RAB11FIP4: variants seen among roughly 807,000 people sequenced by gnomAD.
The protein encoded by RAB11FIP4 is RAB11 family interacting protein 4, also known as rab11 family-interacting protein 4.
In RAB11FIP4, 23 loss-of-function variants were observed where a neutral mutation model predicts 74.3. The ratio of observed to expected loss-of-function variants is 0.31; its 90% CI spans 0.22 to 0.44. RAB11FIP4 has a LOEUF of 0.44. RAB11FIP4 is among the 20% of genes least tolerant of loss of function. RAB11FIP4 has a pLI of 1.00. For synonymous variants in RAB11FIP4, 360 were observed against 359.9 expected, an observed-to-expected ratio of 1.00 and a Z score of 0.00; for missense variants, 630 against 863.9, an observed-to-expected ratio of 0.73 and a Z score of 3.39.
chr17:31,466,778 C>G (rs2071689949), intron 3 of RAB11FIP4, among the ~76,000 whole-genome samples: 1 of 152,186 alleles, frequency 6.6e-6, no homozygotes, highest in Admixed American at 6.5e-5. Flanking sequence ...CTATGGAAAC[C>G]AGGTGGCCAT....
chr17:31,393,424 C>G (rs538836746), intron 1 of RAB11FIP4, among the ~76,000 whole-genome samples: 24 of 152,338 alleles, frequency 1.6e-4, no homozygotes, highest in African/African-American at 5.5e-4. Context: ...AAGCTACCAG[C>G]TCTGGCTGAA....
chr17:31,463,279 C>G (rs1833483795), intron 3 of RAB11FIP4, among the ~76,000 whole-genome samples: 1 of 152,156 alleles, frequency 6.6e-6, no homozygotes, highest in African/African-American at 2.4e-5. Context: ...CCTTTAGCCT[C>G]TCTGAGCCTC....
intron 3 of RAB11FIP4, among the ~76,000 whole-genome samples, chr17:31,457,695 A>G (rs2071592036): frequency 6.8e-6 from 1 of 147,324 alleles, no homozygotes; most frequent in Non-Finnish European, 1.5e-5. Context: ...CACCACCCTC[A>G]CCCCCAGCCC....
intron 1 of RAB11FIP4, among the ~76,000 whole-genome samples, chr17:31,401,645 A>T (rs898979758): frequency 6.6e-6 from 1 of 152,202 alleles, no homozygotes; most frequent in African/African-American, 2.4e-5. Flanking sequence ...GCTTCCTCCA[A>T]AGTGTTTGCT....
intron 3 of RAB11FIP4, among the ~76,000 whole-genome samples, chr17:31,445,533 TA>T (rs2071444007): frequency 2.5e-4 from 3 of 11,896 alleles, no homozygotes; most frequent in Non-Finnish European, 4.2e-4. Context: ...TTCCCAATTT[TA>T]TATATATATA....
intron 3 of RAB11FIP4, among the ~76,000 whole-genome samples, chr17:31,446,477 G>A (rs2071465366): frequency 6.6e-6 from 1 of 152,114 alleles, no homozygotes; most frequent in Non-Finnish European, 1.5e-5. Context: ...ACGTCTGTGC[G>A]ATGGGTAACG....
chr17:31,484,366 G>A lies in RAB11FIP4; in HGVS notation c.337-33285G>A, dbSNP rs929747155. ...GATTACAGGAGTGAGCCACTGCGCCGGGCCTGACATTGTCTCTTTAAAAAA... is the reference window on the plus strand; with the variant it reads ...GATTACAGGAGTGAGCCACTGCGCCAGGCCTGACATTGTCTCTTTAAAAAA... On this transcript the variant is annotated intron_variant, in intron 3 of 14. Coordinates refer to ENST00000621161, the MANE Select transcript of RAB11FIP4 (RefSeq NM_032932.6). Among the ~76,000 whole-genome samples, 5 of 151,386 alleles carry A rather than the reference G, an allele frequency of 3.3e-5. 1 individual carries two copies. The highest frequency in any genetic ancestry group is 4.4e-5 in the Non-Finnish European group (3 of 67,872).
chr17:31,482,789 G>A (rs966878057), intron 3 of RAB11FIP4, among the ~76,000 whole-genome samples: 12 of 152,096 alleles, frequency 7.9e-5, no homozygotes, highest in East Asian at 5.8e-4. Context: ...CTTCCTGAGC[G>A]TGGAGTCAAT....
At chr17:31,525,419 C>T (rs1299117676) in intron 10 of RAB11FIP4, 189 bp downstream of exon 10, 11 of 624,098 alleles carry the variant, frequency 1.8e-5, no homozygotes, top group South Asian at 6.1e-5. Flanking sequence ...TCAGGAAGTT[C>T]GCTAAGGAAT....
chr17:31,411,916 C>T (rs1375142559), intron 1 of RAB11FIP4, among the ~76,000 whole-genome samples: 1 of 152,260 alleles, frequency 6.6e-6, no homozygotes, highest in African/African-American at 2.4e-5. Context: ...CATAGACAGC[C>T]CCTCTGGCCA....
At chr17:31,402,557 A>G (rs1450354990) in intron 1 of RAB11FIP4, among the ~76,000 whole-genome samples, 1 of 151,894 alleles carries the variant, frequency 6.6e-6, no homozygotes, top group Non-Finnish European at 1.5e-5. Context: ...AAGAGCTGGG[A>G]CCTTGCTGAA....
In RAB11FIP4 at chr17:31,391,807, G is replaced by T; in HGVS notation, c.-46G>T. The T allele has an allele frequency of 1.0e-6, 1 of 980,172 alleles. No individual in the cohort carries two copies. Among genetic ancestry groups the T allele is most frequent in the South Asian group, 4.5e-5 (1 of 22,074 alleles). 60.7% of individuals were successfully genotyped at this position (980,172 alleles called of 1,614,324 possible). A position where few individuals can be genotyped will look rare whatever the true frequency, so the allele number is the denominator to read the frequency against. Reference sequence around the variant, plus strand: ...GCGATGGCGGCGGCGGGCAGGCGGCGGGCGCGGCGGGCGAGGGGTCCGGGC... The same window carrying T: ...GCGATGGCGGCGGCGGGCAGGCGGCTGGCGCGGCGGGCGAGGGGTCCGGGC... On this transcript the variant is annotated 5_prime_UTR_variant, in exon 1 of 15. Coordinates refer to ENST00000621161, the MANE Select transcript of RAB11FIP4 (RefSeq NM_032932.6).
chr17:31,474,564 G>A (rs866375721), intron 3 of RAB11FIP4, among the ~76,000 whole-genome samples: 1 of 151,918 alleles, frequency 6.6e-6, no homozygotes. Flanking sequence ...CCAGCTACTC[G>A]GGGCTGAGGC....
chr17:31,525,005 C>T (rs1359930173), intron 9 of RAB11FIP4, 85 bp from the exon 10 acceptor site: 16 of 1,518,984 alleles, frequency 1.1e-5, no homozygotes, highest in South Asian at 3.6e-5. Flanking sequence ...CTCAGGGTCT[C>T]GGGGCCCAGG....
intron 1 of RAB11FIP4, among the ~76,000 whole-genome samples, chr17:31,427,221 G>A (rs1393124255): frequency 1.3e-5 from 2 of 152,124 alleles, no homozygotes; most frequent in African/African-American, 2.4e-5. Context: ...TCAGCCTCCC[G>A]AAGTGCTGGG....
chr17:31,504,484 T>G (rs1335028389), intron 3 of RAB11FIP4, among the ~76,000 whole-genome samples: 1 of 152,098 alleles, frequency 6.6e-6, no homozygotes, highest in Non-Finnish European at 1.5e-5. Flanking sequence ...GCCAGGATGG[T>G]CTTGAACTCC....
chr17:31,513,963 C>G (rs1234627300), intron 3 of RAB11FIP4, among the ~76,000 whole-genome samples: 1 of 152,222 alleles, frequency 6.6e-6, no homozygotes, highest in Non-Finnish European at 1.5e-5. Flanking sequence ...TCTGCCCTGT[C>G]TACCCCAGGC....
In RAB11FIP4 at chr17:31,522,059, AG is replaced by A; in HGVS notation, c.893+12del. 6.2e-7 allele frequency: 1 copy of A among 1,613,946 alleles called. No individual in the cohort carries two copies. The highest frequency in any genetic ancestry group is 8.5e-7 in the Non-Finnish European group (1 of 1,180,018). Reference sequence around the variant, plus strand: ...ACCTGAAGGCCAACAGGTGAGGCCCAGGCCCAGCTGGGGGGTGAGAGGCCGG... The same window carrying A: ...ACCTGAAGGCCAACAGGTGAGGCCCAGCCCAGCTGGGGGGTGAGAGGCCGG... On this transcript the variant is annotated intron_variant, in intron 6 of 14. Coordinates refer to ENST00000621161, the MANE Select transcript of RAB11FIP4 (RefSeq NM_032932.6).
In RAB11FIP4 at chr17:31,445,530, TTTTATATATATATATATATATA is replaced by T. The variant is rs1341252004; in HGVS notation, c.336+11410_336+11431del. Among the ~76,000 whole-genome samples, 156 of 36,744 alleles carry T rather than the reference TTTTATATATATATATATATATA, an allele frequency of 4.2e-3. 9 individuals are homozygous for T. The highest frequency in any genetic ancestry group is 0.02 in the South Asian group (19 of 936). The allele number at this position is 36,744 out of a possible 152,430, so 24.1% of individuals were successfully genotyped here. A position where few individuals can be genotyped will look rare whatever the true frequency, so the allele number is the denominator to read the frequency against. ...AAAATCTACATTCAAATTTTCCCAATTTTATATATATATATATATATATATATATATATATATATATATATAT... is the reference window on the plus strand; with the variant it reads ...AAAATCTACATTCAAATTTTCCCAATTATATATATATATATATATATATAT... On this transcript the variant is annotated intron_variant, in intron 3 of 14. Transcript: ENST00000621161.
Sources: allele counts gnomAD v4.1 joint callset (sites outside exome capture counted in the v4.1 genomes callset), GRCh38; gene constraint gnomAD v4.1.1; transcripts MANE v1.5; gene names NCBI Gene and HGNC (gene_info 2026-07-23, HGNC 2026-07-21).